The following ARHGEF3 variants were observed in gnomAD, a reference collection of about 807,000 sequenced individuals.
ARHGEF3 encodes the protein Rho guanine nucleotide exchange factor 3.
ARHGEF3 carries 28 observed loss-of-function variants against 63.2 expected under a neutral mutation model. That is an observed-to-expected ratio of 0.44 (90% CI 0.33 to 0.61). The LOEUF is 0.61. Among genes scored for constraint, ARHGEF3 ranks in the 20% least tolerant of loss-of-function variants. ARHGEF3 has a pLI of 0.03. For synonymous variants in ARHGEF3, 266 were observed against 254.2 expected (o/e 1.05, Z -0.44); for missense variants, 533 against 659.3 (o/e 0.81, Z 2.10).
At position 56,775,219 on chromosome 3, in the gene ARHGEF3, C is replaced by T. The variant is rs2036228191; in HGVS notation, c.97-1403G>A. ...GATTCTCCAGGATATTTCTGCATCCCCGTTCTGAACATAGTAGGTGCCTGG... is the reference window on the plus strand; with the variant it reads ...GATTCTCCAGGATATTTCTGCATCCTCGTTCTGAACATAGTAGGTGCCTGG... On this transcript the variant is annotated intron_variant, in intron 1 of 9. Transcript: ENST00000296315. The T allele has an allele frequency of 3.6e-6, 5 of 1,408,258 alleles. No homozygotes were observed. In the South Asian group the frequency reaches 8.0e-5, roughly 23 times the overall value. The allele number at this position is 1,408,258 out of a possible 1,614,324, so 87.2% of individuals were successfully genotyped here.
intron 8 of ARHGEF3, among the ~76,000 whole-genome samples, chr3:56,735,157 G>A (rs1464947415): frequency 6.6e-6 from 1 of 152,132 alleles, no homozygotes; most frequent in African/African-American, 2.4e-5. Flanking sequence ...GGTGTTGGGT[G>A]CCTGTAATCC....
At chr3:56,890,078 A>C (rs200084764) in intron 3 of ARHGEF3, among the ~76,000 whole-genome samples, 1 of 124,554 alleles carries the variant, frequency 8.0e-6, no homozygotes, top group Non-Finnish European at 1.7e-5. Context: ...TAAATAAATA[A>C]ATACATAAAT....
In ARHGEF3 at chr3:56,933,086, T is replaced by A. The variant is rs139476102; in HGVS notation, c.129+25737A>T. On this transcript the variant is annotated intron_variant, in intron 3 of 12. Coordinates refer to the ARHGEF3 transcript ENST00000338458. ...ACACAGAGATGCATGCAAAATAAAG[T>A]CAGAACCGAATCTACTGCCAAGCGT... Among the ~76,000 whole-genome samples, 25 of 152,190 alleles carry A rather than the reference T, an allele frequency of 1.6e-4. No homozygotes were observed. In the East Asian group the frequency reaches 4.8e-3, roughly 29 times the overall value.
At chr3:57,077,252 C>T (rs1442194116) in intron 1 of ARHGEF3, among the ~76,000 whole-genome samples, 1 of 152,168 alleles carries the variant, frequency 6.6e-6, no homozygotes, top group Non-Finnish European at 1.5e-5. Context: ...GTATTGCCCA[C>T]TGAAAAGTGT....
At chr3:56,825,185 G>A (rs952871303) in intron 4 of ARHGEF3, among the ~76,000 whole-genome samples, 1 of 152,220 alleles carries the variant, frequency 6.6e-6, no homozygotes, top group African/African-American at 2.4e-5. Flanking sequence ...AGATGATGCA[G>A]TGAAGGCACA....
chr3:56,830,230 T>A (rs2038883166), intron 4 of ARHGEF3, among the ~76,000 whole-genome samples: 2 of 152,144 alleles, frequency 1.3e-5, no homozygotes, highest in Admixed American at 1.3e-4. Flanking sequence ...ACAGTGACGA[T>A]GATGGCTGGA....
chr3:56,998,395 C>T (rs941908382), intron 2 of ARHGEF3, among the ~76,000 whole-genome samples: 4 of 149,904 alleles, frequency 2.7e-5, no homozygotes, highest in African/African-American at 7.4e-5. Flanking sequence ...CTTCTCTTCC[C>T]GGTCATCCTG....
chr3:57,023,131 G>A (rs1285418877), intron 2 of ARHGEF3, among the ~76,000 whole-genome samples: 1 of 152,140 alleles, frequency 6.6e-6, no homozygotes, highest in African/African-American at 2.4e-5. Flanking sequence ...CTCACCAGAA[G>A]GTAAGCTCCA....
At chr3:57,062,461 G>C (rs767706992) in intron 1 of ARHGEF3, among the ~76,000 whole-genome samples, 3 of 152,068 alleles carry the variant, frequency 2.0e-5, no homozygotes, top group African/African-American at 2.4e-5. Context: ...CGGCGGGGGC[G>C]GGGGGTGCTC....
chr3:56,916,355 C>T, intron 3 of ARHGEF3: 2 of 1,535,100 alleles, frequency 1.3e-6, no homozygotes, highest in Non-Finnish European at 1.7e-6. Context: ...GCGCTCTGAC[C>T]TCATCCACCC....
At chr3:56,925,836 T>A (rs571151727) in intron 3 of ARHGEF3, among the ~76,000 whole-genome samples, 1 of 152,316 alleles carries the variant, frequency 6.6e-6, no homozygotes, top group Non-Finnish European at 1.5e-5. Context: ...CAGGACAGCC[T>A]GGCTCTCATG....
At chr3:56,777,447 T>C (rs935936749) in intron 1 of ARHGEF3, among the ~76,000 whole-genome samples, 1 of 152,256 alleles carries the variant, frequency 6.6e-6, no homozygotes, top group African/African-American at 2.4e-5. Context: ...TGCAATTTTA[T>C]TCTTAGTATG....
rs181169061 is a variant in ARHGEF3, at chr3:56,859,519, C to T, written c.192+22773G>A. ...CAGACTGAGCCCACATCCCTCTTGC[C>T]ACCCCCTTGGTACACCTTTTTTTTT... On this transcript the variant is annotated intron_variant, in intron 4 of 12. Transcript: ENST00000338458. Among the ~76,000 whole-genome samples the T allele has an allele frequency of 2.4e-3, 358 of 151,564 alleles. 1 individual carries two copies. The highest frequency in any genetic ancestry group is 8.1e-3 in the African/African-American group (336 of 41,314).
intron 4 of ARHGEF3, among the ~76,000 whole-genome samples, chr3:56,824,506 T>G (rs1305785301): frequency 6.6e-6 from 1 of 152,200 alleles, no homozygotes; most frequent in Non-Finnish European, 1.5e-5. Context: ...GAAACTGAGA[T>G]TCGGTCAGGC....
intron 1 of ARHGEF3, 131 bp from the exon 2 acceptor site, chr3:56,773,947 C>T (rs1378442257): frequency 9.7e-6 from 7 of 717,984 alleles, no homozygotes; most frequent in Admixed American, 3.9e-5. Flanking sequence ...TAAAGTGTCA[C>T]GTCTCACTCT....
chr3:56,831,376 T>C (rs1242019069), intron 4 of ARHGEF3, among the ~76,000 whole-genome samples: 2 of 152,236 alleles, frequency 1.3e-5, no homozygotes, highest in Non-Finnish European at 2.9e-5. Context: ...TTATTTACCT[T>C]CCAAGGGTAT....
chr3:56,851,805 C>T (rs966846278), intron 4 of ARHGEF3, among the ~76,000 whole-genome samples: 2 of 145,960 alleles, frequency 1.4e-5, no homozygotes, highest in African/African-American at 5.1e-5. Flanking sequence ...TCAGGGCATT[C>T]ACAATGTTGC....
At chr3:56,967,549 G>A (rs1236855001) in intron 2 of ARHGEF3, among the ~76,000 whole-genome samples, 2 of 74,742 alleles carry the variant, frequency 2.7e-5, no homozygotes, top group Non-Finnish European at 4.6e-5. Flanking sequence ...TACATATTAT[G>A]TACATTATAT....
At chr3:57,035,173 T>C (rs780789773) in exon 2 of ARHGEF3, 1 of 1,489,614 alleles carries the variant, frequency 6.7e-7, no homozygotes, top group Non-Finnish European at 8.9e-7. Context: ...CAGGCTCAGG[T>C]CTCCTTTTTT....
Sources: gnomAD v4.1 joint callset for allele counts (sites outside exome capture counted in the v4.1 genomes callset) on GRCh38, gnomAD v4.1.1 for gene constraint, MANE v1.5 for transcripts, NCBI Gene and HGNC (gene_info 2026-07-23, HGNC 2026-07-21) for gene names.